Variants in GRID1 observed in about 807,000 individuals in gnomAD.
The protein encoded by GRID1 is glutamate ionotropic receptor delta type subunit 1.
Under a neutral mutation model 98.0 loss-of-function variants are expected in GRID1, and 28 were observed. The observed-to-expected ratio is 0.29, with a 90% CI of 0.21 to 0.39. The LOEUF (loss-of-function observed/expected upper bound fraction) is 0.39. GRID1 is among the 10% of genes least tolerant of loss of function. GRID1 has a pLI of 1.00. For synonymous variants in GRID1, 553 were observed against 538.5 expected (o/e 1.03, Z -0.37); for missense variants, 1,111 against 1,340.5 (o/e 0.83, Z 2.67).
chr10:86,188,639 G>T (rs1554859685), intron 3 of GRID1, among the ~76,000 whole-genome samples: 1 of 152,212 alleles, frequency 6.6e-6, no homozygotes, highest in Non-Finnish European at 1.5e-5. Context: ...GCCCGAGCAG[G>T]TTGGCAGGGC....
chr10:85,871,624 A>G (rs1470193993), intron 5 of GRID1, among the ~76,000 whole-genome samples: 1 of 152,234 alleles, frequency 6.6e-6, no homozygotes, highest in Non-Finnish European at 1.5e-5. Flanking sequence ...TATGATGGTA[A>G]AAAGGAAGCT....
intron 5 of GRID1, among the ~76,000 whole-genome samples, chr10:85,891,444 C>T (rs1841199144): frequency 6.6e-6 from 1 of 152,112 alleles, no homozygotes; most frequent in Non-Finnish European, 1.5e-5. Context: ...GGAAATATAG[C>T]ATGATAATTA....
chr10:86,363,484 A>G (rs1848630318), intron 2 of GRID1, among the ~76,000 whole-genome samples: 1 of 152,156 alleles, frequency 6.6e-6, no homozygotes, highest in Non-Finnish European at 1.5e-5. Flanking sequence ...GGAGAAGGAG[A>G]CAGGTCGGGC....
intron 3 of GRID1, among the ~76,000 whole-genome samples, chr10:86,202,359 A>C (rs1424446274): frequency 6.6e-6 from 1 of 152,282 alleles, no homozygotes; most frequent in Non-Finnish European, 1.5e-5. Flanking sequence ...GCTCATCATA[A>C]TTACAACCTT....
intron 4 of GRID1, among the ~76,000 whole-genome samples, chr10:85,987,153 C>T (rs373268201): frequency 6.6e-6 from 1 of 152,092 alleles, no homozygotes. Context: ...TGCCAGCCAC[C>T]CAGCCCAGTA....
intron 8 of GRID1, among the ~76,000 whole-genome samples, chr10:85,740,257 T>C (rs1841927272): frequency 6.6e-6 from 1 of 152,196 alleles, no homozygotes; most frequent in Non-Finnish European, 1.5e-5. Flanking sequence ...ATATTTGTTC[T>C]CTGGGCTCAA....
At chr10:86,152,803 T>G (rs970413365) in intron 3 of GRID1, among the ~76,000 whole-genome samples, 1 of 152,134 alleles carries the variant, frequency 6.6e-6, no homozygotes, top group African/African-American at 2.4e-5. Context: ...CAGCCCATCC[T>G]CTCCAGTGCG....
intron 8 of GRID1, among the ~76,000 whole-genome samples, chr10:85,796,246 G>A (rs898958873): frequency 6.6e-6 from 1 of 152,190 alleles, no homozygotes; most frequent in African/African-American, 2.4e-5. Context: ...CACCATTGGA[G>A]AAATACTTTT....
chr10:86,080,860 G>A (rs1265725877), intron 4 of GRID1, among the ~76,000 whole-genome samples: 2 of 152,210 alleles, frequency 1.3e-5, no homozygotes, highest in African/African-American at 4.8e-5. Context: ...CAGGGGACAG[G>A]GTATCTACAC....
At chr10:85,733,386 C>T (rs1249090707) in intron 8 of GRID1, among the ~76,000 whole-genome samples, 4 of 152,160 alleles carry the variant, frequency 2.6e-5, no homozygotes, top group African/African-American at 9.7e-5. Context: ...ATTCCAGGCT[C>T]TCCTCTCCAA....
chr10:86,153,045 C>T (rs779934519), intron 3 of GRID1, among the ~76,000 whole-genome samples: 6 of 152,194 alleles, frequency 3.9e-5, no homozygotes, highest in Non-Finnish European at 7.3e-5. Flanking sequence ...CAGATGCCAC[C>T]ACCCCTCATT....
intron 3 of GRID1, among the ~76,000 whole-genome samples, chr10:86,140,188 A>G (rs1642027415): frequency 6.6e-6 from 1 of 152,076 alleles, no homozygotes; most frequent in South Asian, 2.1e-4. Context: ...TGTCTGGCCC[A>G]TCCTTGCATT....
chr10:85,634,291 T>TCCTCTCTCTCACA (rs1162030685), intron 13 of GRID1, among the ~76,000 whole-genome samples: 2 of 102,998 alleles, frequency 1.9e-5, no homozygotes, highest in East Asian at 4.6e-4. Flanking sequence ...TCTCTCTCTC[T>TCCTCTCTCTCACA]CACACACACA....
chr10:86,340,547 C>T (rs1388002516), intron 2 of GRID1, among the ~76,000 whole-genome samples: 2 of 152,174 alleles, frequency 1.3e-5, no homozygotes, highest in African/African-American at 4.8e-5. Flanking sequence ...TGGAGCCAAG[C>T]ATGCACTTGG....
intron 3 of GRID1, among the ~76,000 whole-genome samples, chr10:86,187,527 T>C (rs1845742147): frequency 6.6e-6 from 1 of 152,194 alleles, no homozygotes; most frequent in South Asian, 2.1e-4. Flanking sequence ...CGAATATCCC[T>C]AAGGGACCCA....
intron 4 of GRID1, among the ~76,000 whole-genome samples, chr10:86,029,878 C>A (rs917507017): frequency 6.6e-6 from 1 of 152,086 alleles, no homozygotes; most frequent in East Asian, 1.9e-4. Flanking sequence ...ACTTCATAGA[C>A]CCCCAGAGGG....
intron 4 of GRID1, among the ~76,000 whole-genome samples, chr10:86,053,410 T>C (rs992342420): frequency 2.0e-5 from 3 of 151,664 alleles, no homozygotes; most frequent in Non-Finnish European, 2.9e-5. Flanking sequence ...CAGACTAGAG[T>C]GCAGTGGCGC....
intron 3 of GRID1, among the ~76,000 whole-genome samples, chr10:86,169,383 T>A (rs1845448482): frequency 6.6e-6 from 1 of 152,188 alleles, no homozygotes; most frequent in South Asian, 2.1e-4. Flanking sequence ...TTTACCAACT[T>A]CCTTGATGTA....
intron 2 of GRID1, among the ~76,000 whole-genome samples, chr10:86,363,136 C>T (rs951989681): frequency 6.6e-6 from 1 of 152,244 alleles, no homozygotes; most frequent in Non-Finnish European, 1.5e-5. Context: ...GAGGGACTAG[C>T]AGAGAGGAGG....
Sources: gnomAD v4.1 joint callset for allele counts (sites outside exome capture counted in the v4.1 genomes callset) on GRCh38, gnomAD v4.1.1 for gene constraint, MANE v1.5 for transcripts, NCBI Gene and HGNC (gene_info 2026-07-23, HGNC 2026-07-21) for gene names.